The following EDIL3 variants were observed in gnomAD, a reference collection of about 807,000 sequenced individuals.
The protein encoded by EDIL3 is EGF-like repeat and discoidin I-like domain-containing protein 3.
A neutral mutation model predicts 67.4 loss-of-function variants in EDIL3; 37 were observed. The ratio of observed to expected loss-of-function variants is 0.55; its 90% CI spans 0.42 to 0.72. EDIL3 has a LOEUF of 0.72. EDIL3 is among the 30% of genes least tolerant of loss of function. EDIL3 has a pLI of 0.00. For synonymous variants in EDIL3, 195 were observed against 196.3 expected (o/e 0.99, Z 0.05); for missense variants, 527 against 586.3 (o/e 0.90, Z 1.04).
At chr5:84,052,875 C>T (rs1033911272) in intron 9 of EDIL3, among the ~76,000 whole-genome samples, 1 of 152,128 alleles carries the variant, frequency 6.6e-6, no homozygotes, top group African/African-American at 2.4e-5. Flanking sequence ...TTTAATACCC[C>T]ACTGTCAACA....
In EDIL3 at chr5:84,112,466, G is replaced by A. The variant is rs564636640; in HGVS notation, c.470-5636C>T. 1.3e-4 allele frequency among the ~76,000 whole-genome samples: 20 copies of A among 152,230 alleles called. No individual in the cohort carries two copies. In the South Asian group the frequency reaches 3.5e-3, roughly 27 times the overall value. On this transcript the variant is annotated intron_variant, in intron 5 of 10. Transcript: ENST00000296591. ...GTTTCCTTTCATTGAGATTGGCCAC[G>A]TTTCACAAATAACATCACTGGACCA...
At chr5:84,246,093 A>G (rs1744904992) in intron 2 of EDIL3, among the ~76,000 whole-genome samples, 1 of 152,242 alleles carries the variant, frequency 6.6e-6, no homozygotes, top group Non-Finnish European at 1.5e-5. Context: ...GTGTTTATCA[A>G]CTTGTTGCTT....
At chr5:84,300,198 G>A (rs1746128175) in intron 1 of EDIL3, among the ~76,000 whole-genome samples, 1 of 152,272 alleles carries the variant, frequency 6.6e-6, no homozygotes, top group African/African-American at 2.4e-5. Context: ...GAGGCTGCCT[G>A]CATTTCTTAG....
intron 4 of EDIL3, among the ~76,000 whole-genome samples, chr5:84,149,464 C>G (rs941671785): frequency 3.9e-5 from 6 of 152,076 alleles, no homozygotes; most frequent in African/African-American, 7.2e-5. Flanking sequence ...ATAATTAAAC[C>G]TGGATTAAAT....
intron 1 of EDIL3, among the ~76,000 whole-genome samples, chr5:84,271,008 G>A (rs926941640): frequency 6.6e-6 from 1 of 152,088 alleles, no homozygotes; most frequent in Non-Finnish European, 1.5e-5. Context: ...GTTATACCAC[G>A]AATTTGTGAC....
intron 9 of EDIL3, among the ~76,000 whole-genome samples, chr5:84,042,081 T>C (rs1746135381): frequency 6.6e-6 from 1 of 152,154 alleles, no homozygotes; most frequent in Non-Finnish European, 1.5e-5. Flanking sequence ...GCCATAATGA[T>C]AATACAACCC....
chr5:83,997,845 T>G (rs980899990), intron 9 of EDIL3, among the ~76,000 whole-genome samples: 1 of 152,046 alleles, frequency 6.6e-6, no homozygotes, highest in African/African-American at 2.4e-5. Flanking sequence ...ATGAAGTGAT[T>G]GTGGGACTGT....
intron 1 of EDIL3, among the ~76,000 whole-genome samples, chr5:84,308,309 G>A (rs76997419): frequency 0.018 from 2,791 of 152,252 alleles, 84 homozygotes; most frequent in African/African-American, 0.064. Flanking sequence ...TGAATGGCCT[G>A]GAGGATATGC....
chr5:84,351,603 TATATGTTTACTC>T (rs998415867), intron 1 of EDIL3, among the ~76,000 whole-genome samples: 65 of 152,290 alleles, frequency 4.3e-4, no homozygotes, highest in African/African-American at 1.3e-3. Flanking sequence ...AACAGAAGTA[TATATGTTTACTC>T]AGTATTGGAC....
At chr5:84,248,495 C>T (rs1335488009) in intron 2 of EDIL3, among the ~76,000 whole-genome samples, 1 of 152,186 alleles carries the variant, frequency 6.6e-6, no homozygotes, top group South Asian at 2.1e-4. Flanking sequence ...TTTCCCATGT[C>T]TAGCTCTTCT....
intron 2 of EDIL3, among the ~76,000 whole-genome samples, chr5:84,240,809 T>G (rs1744780450): frequency 6.6e-6 from 1 of 152,148 alleles, no homozygotes; most frequent in Non-Finnish European, 1.5e-5. Flanking sequence ...AAACACCTTA[T>G]AAACTGAGCA....
intron 1 of EDIL3, among the ~76,000 whole-genome samples, chr5:84,366,938 T>A (rs1317558670): frequency 6.6e-6 from 1 of 152,182 alleles, no homozygotes; most frequent in Non-Finnish European, 1.5e-5. Flanking sequence ...ACAAAAATAT[T>A]AGCAAATTAC....
intron 9 of EDIL3, among the ~76,000 whole-genome samples, chr5:84,044,951 A>T (rs1746195055): frequency 6.6e-6 from 1 of 152,200 alleles, no homozygotes; most frequent in Non-Finnish European, 1.5e-5. Context: ...CACACTGCTG[A>T]TAAAGACATA....
intron 6 of EDIL3, among the ~76,000 whole-genome samples, chr5:84,071,626 A>G (rs1021355554): frequency 3.3e-5 from 5 of 152,234 alleles, no homozygotes; most frequent in Non-Finnish European, 7.3e-5. Flanking sequence ...ACTAGTAAGC[A>G]GCAAGACAGT....
At chr5:84,005,753 G>A in intron 9 of EDIL3, among the ~76,000 whole-genome samples, 1 of 151,858 alleles carries the variant, frequency 6.6e-6, no homozygotes, top group South Asian at 2.1e-4. Context: ...TTACCCTTGA[G>A]AACTGGAATG....
chr5:84,156,168 G>A (rs1186540674), intron 4 of EDIL3, among the ~76,000 whole-genome samples: 1 of 152,054 alleles, frequency 6.6e-6, no homozygotes, highest in Non-Finnish European at 1.5e-5. Context: ...CTGAAATTTT[G>A]GAGACAGTAG....
chr5:84,184,477 G>A (rs1190121999), intron 3 of EDIL3, among the ~76,000 whole-genome samples: 1 of 152,194 alleles, frequency 6.6e-6, no homozygotes. Context: ...CCAAAATTCA[G>A]GTTTAAGTTG....
At chr5:84,193,978 TA>T (rs1743644954) in intron 3 of EDIL3, among the ~76,000 whole-genome samples, 1 of 151,946 alleles carries the variant, frequency 6.6e-6, no homozygotes, top group African/African-American at 2.4e-5. Context: ...TACCAAATAA[TA>T]TTCTAGTTGA....
In EDIL3 at chr5:84,384,645, CG is replaced by C. The variant is rs1296090772; in HGVS notation, c.-272del. ...CGCCGGCGGGCTCAGCCCTCCGCTG[CG>C]GGTGGGTCCCGGCAGAGGCGCGGCG... On this transcript the variant is annotated 5_prime_UTR_variant, in exon 1 of 11. Coordinates refer to ENST00000296591, the MANE Select transcript of EDIL3 (RefSeq NM_005711.5). 1 of 247,888 alleles carries C rather than the reference CG, an allele frequency of 4.0e-6. No homozygotes were observed. Among genetic ancestry groups the C allele is most frequent in the Non-Finnish European group, 7.7e-6 (1 of 130,612 alleles). 15.4% of individuals were successfully genotyped at this position (247,888 alleles called of 1,614,324 possible).
Sources: gnomAD v4.1 joint callset for allele counts (sites outside exome capture counted in the v4.1 genomes callset) on GRCh38, gnomAD v4.1.1 for gene constraint, MANE v1.5 for transcripts, NCBI Gene and HGNC (gene_info 2026-07-23, HGNC 2026-07-21) for gene names.